The following ZC3H12B variants were observed in gnomAD, a reference collection of about 807,000 sequenced individuals.
The protein encoded by ZC3H12B is probable ribonuclease ZC3H12B.
In ZC3H12B, 7 loss-of-function variants were observed where a neutral mutation model predicts 43.9. The ratio of observed to expected loss-of-function variants is 0.16; its 90% CI spans 0.09 to 0.30. ZC3H12B has a LOEUF of 0.30. Among genes scored for constraint, ZC3H12B ranks in the 10% least tolerant of loss-of-function variants. ZC3H12B has a pLI of 1.00. For missense variants in ZC3H12B, 475 were observed against 670.2 expected, an observed-to-expected ratio of 0.71 and a Z score of 3.22; for synonymous variants, 222 against 241.7, an observed-to-expected ratio of 0.92 and a Z score of 0.76.
the ZC3H12B span, among the ~76,000 whole-genome samples, chrX:65,316,627 TTAAA>T: frequency 9.0e-6 from 1 of 111,680 alleles, no homozygotes; most frequent in Non-Finnish European, 1.9e-5. Context: ...CAGGACTGCC[TTAAA>T]TAAAGTCCTT....
the ZC3H12B span, among the ~76,000 whole-genome samples, chrX:65,216,775 A>C: frequency 1.8e-5 from 2 of 112,084 alleles, no homozygotes; most frequent in Non-Finnish European, 1.9e-5. Context: ...AGCCATGCTA[A>C]AAATATCAGA....
At chrX:65,176,027 C>A in the ZC3H12B span, among the ~76,000 whole-genome samples, 1 of 111,374 alleles carries the variant, frequency 9.0e-6, no homozygotes, top group South Asian at 3.7e-4. Context: ...GCCTGGAACA[C>A]CAGTGAGACA....
At chrX:65,238,760 C>T in the ZC3H12B span, among the ~76,000 whole-genome samples, 1 of 111,687 alleles carries the variant, frequency 9.0e-6, no homozygotes, top group Non-Finnish European at 1.9e-5. Flanking sequence ...GCTTTAGCTG[C>T]ATCTCAGATT....
At chrX:65,117,027 C>T in the ZC3H12B span, among the ~76,000 whole-genome samples, 3 of 111,840 alleles carry the variant, frequency 2.7e-5, no homozygotes, top group African/African-American at 9.7e-5. Flanking sequence ...CATACATGTG[C>T]ATGTGTCTTT....
At chrX:65,124,040 G>T in the ZC3H12B span, among the ~76,000 whole-genome samples, 1 of 111,118 alleles carries the variant, frequency 9.0e-6, no homozygotes, top group Non-Finnish European at 1.9e-5. Flanking sequence ...AATAGAAGTG[G>T]TTAAAGTGGG....
At chrX:65,323,732 T>A in the ZC3H12B span, among the ~76,000 whole-genome samples, 1 of 111,861 alleles carries the variant, frequency 8.9e-6, no homozygotes, top group Non-Finnish European at 1.9e-5. Context: ...CTGGGTCAAA[T>A]GGTATTTCTA....
chrX:65,104,071 A>G, the ZC3H12B span, among the ~76,000 whole-genome samples: 1 of 111,507 alleles, frequency 9.0e-6, no homozygotes, highest in Non-Finnish European at 1.9e-5. Flanking sequence ...CAAAACAGAT[A>G]TATAGACCAA....
At chrX:65,249,108 G>T in the ZC3H12B span, among the ~76,000 whole-genome samples, 1 of 111,521 alleles carries the variant, frequency 9.0e-6, no homozygotes, top group African/African-American at 3.3e-5. Flanking sequence ...ATTCATCTTT[G>T]TGTTTATTGC....
the ZC3H12B span, among the ~76,000 whole-genome samples, chrX:65,250,041 T>A: frequency 0.24 from 26,061 of 109,428 alleles, 7,676 homozygotes; most frequent in African/African-American, 0.83. Flanking sequence ...GCATTCATTA[T>A]CTCATCATTT....
the ZC3H12B span, among the ~76,000 whole-genome samples, chrX:65,068,105 CT>C: frequency 2.7e-3 from 163 of 60,765 alleles, 1 homozygote; most frequent in East Asian, 0.024. Context: ...CTTGATGTTA[CT>C]TTTTTTTTTT....
the ZC3H12B span, among the ~76,000 whole-genome samples, chrX:65,218,090 G>T: frequency 8.9e-6 from 1 of 112,088 alleles, no homozygotes; most frequent in Non-Finnish European, 1.9e-5. Context: ...CATATAAAGG[G>T]ACTCTGTTAC....
the ZC3H12B span, among the ~76,000 whole-genome samples, chrX:65,234,048 G>T: frequency 1.8e-5 from 2 of 110,885 alleles, no homozygotes; most frequent in Non-Finnish European, 3.8e-5. Context: ...GCTAAGACCG[G>T]ACAAAAACAA....
intron 2 of ZC3H12B, among the ~76,000 whole-genome samples, chrX:65,379,991 T>C (rs977933734): frequency 2.7e-5 from 3 of 112,255 alleles, no homozygotes; most frequent in African/African-American, 9.7e-5. Flanking sequence ...TTGGTGTACC[T>C]GAAAGTCACG....
chrX:65,123,304 G>C, the ZC3H12B span, among the ~76,000 whole-genome samples: 1 of 111,384 alleles, frequency 9.0e-6, no homozygotes, highest in Non-Finnish European at 1.9e-5. Flanking sequence ...TAAGCTTTTT[G>C]ATGTGCTGCT....
chrX:65,454,405 A>G (rs761912008), intron 3 of ZC3H12B, among the ~76,000 whole-genome samples: 1 of 112,273 alleles, frequency 8.9e-6, no homozygotes, highest in Non-Finnish European at 1.9e-5. Context: ...CTGAGATCAA[A>G]CTGCAAGGCG....
chrX:65,407,797 T>C (rs1224492234), intron 3 of ZC3H12B, among the ~76,000 whole-genome samples: 3 of 112,992 alleles, frequency 2.7e-5, no homozygotes, highest in Admixed American at 9.2e-5. Context: ...CCGCGCACAG[T>C]CCCCGAACGC....
chrX:65,159,556 G>A, the ZC3H12B span, among the ~76,000 whole-genome samples: 6 of 111,475 alleles, frequency 5.4e-5, no homozygotes, highest in Admixed American at 9.6e-5. Flanking sequence ...CTCATGATTT[G>A]GCTCTCTGTC....
the ZC3H12B span, among the ~76,000 whole-genome samples, chrX:65,308,846 G>A: frequency 3.6e-5 from 4 of 111,960 alleles, no homozygotes; most frequent in African/African-American, 1.3e-4. Context: ...ACTCAAAACT[G>A]CACAGCTACA....
At chrX:65,329,870 A>G in the ZC3H12B span, among the ~76,000 whole-genome samples, 2 of 110,759 alleles carry the variant, frequency 1.8e-5, no homozygotes, top group Non-Finnish European at 3.8e-5. Flanking sequence ...GATATGTGGC[A>G]TTATTTCTGA....
Sources: allele counts gnomAD v4.1 joint callset (sites outside exome capture counted in the v4.1 genomes callset), GRCh38; gene constraint gnomAD v4.1.1; transcripts MANE v1.5; gene names NCBI Gene and HGNC (gene_info 2026-07-23, HGNC 2026-07-21).